Variants in UNC5D observed in about 807,000 individuals in gnomAD.
UNC5D encodes the protein unc-5 netrin receptor D, also known as netrin receptor UNC5D.
In UNC5D, 39 loss-of-function variants were observed where a neutral mutation model predicts 105.4. The observed-to-expected ratio is 0.37, with a 90% confidence interval of 0.29 to 0.48. The LOEUF is 0.48. Ranked by LOEUF, UNC5D falls within the 20% of genes least tolerant of loss-of-function variation. The probability of loss-of-function intolerance (pLI) is 0.98; values close to 1 mark genes in which losing one functional copy is unlikely to be tolerated. For missense variants in UNC5D, 991 were observed against 1,202.4 expected (o/e 0.82, Z 2.60); for synonymous variants, 452 against 450.4 (o/e 1.00, Z -0.04).
At chr8:35,363,085 G>T (rs1433457792) in intron 1 of UNC5D, among the ~76,000 whole-genome samples, 1 of 152,100 alleles carries the variant, frequency 6.6e-6, no homozygotes, top group African/African-American at 2.4e-5. Context: ...TATATTTAAT[G>T]ACTTCAAAAC....
At chr8:35,519,546 G>T (rs1813322846) in intron 1 of UNC5D, among the ~76,000 whole-genome samples, 1 of 152,074 alleles carries the variant, frequency 6.6e-6, no homozygotes, top group Non-Finnish European at 1.5e-5. Context: ...ATGATTAAGA[G>T]CACAGGGTGG....
At chr8:35,372,895 C>T (rs996984248) in intron 1 of UNC5D, among the ~76,000 whole-genome samples, 1 of 152,182 alleles carries the variant, frequency 6.6e-6, no homozygotes, top group African/African-American at 2.4e-5. Flanking sequence ...AGCCACTATG[C>T]ACTGCCTTAA....
At position 35,719,141 on chromosome 8, in the gene UNC5D, T is replaced by TACACACACACACAC. The variant is rs57660135; in HGVS notation, c.1118-3036_1118-3023dup. Among the ~76,000 whole-genome samples, 36 of 133,168 alleles carry TACACACACACACAC rather than the reference T, an allele frequency of 2.7e-4. 1 individual carries two copies. Among genetic ancestry groups the TACACACACACACAC allele is most frequent in the South Asian group, 1.1e-3 (4 of 3,644 alleles). The allele number at this position is 133,168 out of a possible 152,430, so 87.4% of individuals were successfully genotyped here. A position where few individuals can be genotyped will look rare whatever the true frequency, so the allele number is the denominator to read the frequency against. On this transcript the variant is annotated intron_variant, in intron 8 of 16. Transcript: ENST00000404895. ...CACTGCTTACATGCACATGTGCTTA[T>TACACACACACACAC]ACACACACACACACACACACACACA...
chr8:35,486,147 G>C (rs140823647), intron 1 of UNC5D, among the ~76,000 whole-genome samples: 31 of 152,294 alleles, frequency 2.0e-4, no homozygotes, highest in Non-Finnish European at 3.7e-4. Flanking sequence ...GAGTGCTGCT[G>C]TTTTAAATAT....
At chr8:35,390,005 C>G (rs970869363) in intron 1 of UNC5D, among the ~76,000 whole-genome samples, 1 of 152,206 alleles carries the variant, frequency 6.6e-6, no homozygotes, top group Non-Finnish European at 1.5e-5. Context: ...TTAATTCGCT[C>G]TTGGTTCTGC....
At chr8:35,405,716 T>G (rs1804764928) in intron 1 of UNC5D, among the ~76,000 whole-genome samples, 1 of 152,194 alleles carries the variant, frequency 6.6e-6, no homozygotes, top group Non-Finnish European at 1.5e-5. Flanking sequence ...TCTGAAATCA[T>G]ATTATCACAG....
At chr8:35,701,840 C>T (rs1209382421) in intron 7 of UNC5D, among the ~76,000 whole-genome samples, 2 of 150,668 alleles carry the variant, frequency 1.3e-5, no homozygotes, top group African/African-American at 2.4e-5. Flanking sequence ...TATAACTTAA[C>T]AGTGGTTATC....
intron 1 of UNC5D, among the ~76,000 whole-genome samples, chr8:35,464,194 G>A (rs190144469): frequency 2.0e-5 from 3 of 152,190 alleles, no homozygotes; most frequent in Admixed American, 2.0e-4. Flanking sequence ...GGGTATGGTG[G>A]TAGGTACCTG....
Position 35,686,650 on chromosome 8 carries a change from A to T in UNC5D, c.1025A>T (p.Lys342Ile). Reference protein sequence around the residue: ...CTAPPPRNGGKFCEGLSQESE... With the variant: ...CTAPPPRNGGIFCEGLSQESE... ...GCACCACCCCCGAGAAATGGGGGCA[A>T]ATTCTGTGAAGGTCTAAGCCAGGAA... is the stretch of plus-strand genomic sequence containing the variant. The change falls in exon 7 of 17, where the codon AAA becomes ATA. Residue 342 changes from lysine (K) to isoleucine (I), a missense_variant. Around this residue, in one of 3 missense-constraint regions of UNC5D, gnomAD observed 944 missense variants for 1,131.6 expected, o/e 0.83. Coordinates refer to ENST00000404895, the MANE Select transcript of UNC5D (RefSeq NM_080872.4). 6.2e-7 allele frequency: 1 copy of T among 1,606,710 alleles called. No homozygotes were observed. The highest frequency in any genetic ancestry group is 1.3e-5 in the African/African-American group (1 of 74,258).
intron 1 of UNC5D, chr8:35,525,525 G>A: frequency 6.2e-7 from 1 of 1,612,322 alleles, no homozygotes; most frequent in Non-Finnish European, 8.5e-7. Context: ...ATTGAGTGAA[G>A]CTAGGGGAGG....
intron 2 of UNC5D, among the ~76,000 whole-genome samples, chr8:35,559,018 A>G (rs1028538695): frequency 1.3e-5 from 2 of 152,038 alleles, no homozygotes; most frequent in Admixed American, 1.3e-4. Context: ...TTTTCAAGAG[A>G]ATTTGATTGC....
At chr8:35,493,864 G>A (rs1172108545) in intron 1 of UNC5D, among the ~76,000 whole-genome samples, 1 of 152,038 alleles carries the variant, frequency 6.6e-6, no homozygotes, top group Non-Finnish European at 1.5e-5. Context: ...AATATACCAT[G>A]GGCAAAGTTA....
chr8:35,665,149 A>C (rs1486589207), intron 4 of UNC5D, among the ~76,000 whole-genome samples: 2 of 152,110 alleles, frequency 1.3e-5, no homozygotes, highest in East Asian at 3.9e-4. Context: ...CTCTCATTCT[A>C]AATTATCACT....
chr8:35,285,051 T>G (rs1806491059), intron 1 of UNC5D, among the ~76,000 whole-genome samples: 1 of 152,226 alleles, frequency 6.6e-6, no homozygotes, highest in African/African-American at 2.4e-5. Flanking sequence ...ACCTAAATGA[T>G]ACACTCACTA....
At chr8:35,600,181 T>C (rs1819769529) in intron 4 of UNC5D, among the ~76,000 whole-genome samples, 1 of 152,204 alleles carries the variant, frequency 6.6e-6, no homozygotes, top group South Asian at 2.1e-4. Context: ...ATGAGCCACA[T>C]TTTCTTAATC....
In UNC5D at chr8:35,767,013, C is replaced by A. The variant is rs758380728; in HGVS notation, c.2425C>A (p.Arg809=). The A allele has an allele frequency of 3.7e-6, 6 of 1,614,032 alleles. No individual in the cohort carries two copies. Among genetic ancestry groups the A allele is most frequent in the Non-Finnish European group, 3.4e-6 (4 of 1,179,966 alleles). The change falls in exon 15 of 17, where the codon CGG becomes AGG. Residue 809 remains arginine, a synonymous_variant. Transcript: ENST00000404895. The stretch of plus-strand genomic sequence containing the variant: ...CCAGCTGTCCTGCAAAATCTGCATT[C>A]GGCAGCTCAAAGGCCATGAACAGAT... The part of the protein sequence containing the change: ...TTQLSCKICI[R]QLKGHEQILQ...
At chr8:35,334,402 T>C (rs1810861595) in intron 1 of UNC5D, among the ~76,000 whole-genome samples, 1 of 152,250 alleles carries the variant, frequency 6.6e-6, no homozygotes, top group Non-Finnish European at 1.5e-5. Context: ...TAGTTTCTTT[T>C]CTAAGTAGGA....
intron 1 of UNC5D, among the ~76,000 whole-genome samples, chr8:35,486,728 G>T (rs1810847063): frequency 6.6e-6 from 1 of 152,070 alleles, no homozygotes; most frequent in Non-Finnish European, 1.5e-5. Flanking sequence ...CCATGGATTA[G>T]GTATCATTAT....
intron 4 of UNC5D, among the ~76,000 whole-genome samples, chr8:35,649,988 T>C (rs557977840): frequency 1.3e-5 from 2 of 152,148 alleles, no homozygotes; most frequent in Non-Finnish European, 2.9e-5. Context: ...TTAATAATCA[T>C]GGGTCAGATG....
Sources: gnomAD v4.1 joint callset for allele counts (sites outside exome capture counted in the v4.1 genomes callset) on GRCh38, gnomAD v4.1.1 for gene constraint, gnomAD v4.1.1 regional missense constraint, MANE v1.5 for transcripts, NCBI Gene and HGNC (gene_info 2026-07-23, HGNC 2026-07-21) for gene names.